The following ALMS1 variants were observed in gnomAD, a reference collection of about 807,000 sequenced individuals.
ALMS1 encodes centrosome-associated protein ALMS1.
In ALMS1, 271 loss-of-function variants were observed where a neutral mutation model predicts 352.2. The observed-to-expected ratio is 0.77, with a 90% CI of 0.70 to 0.85. The LOEUF is 0.85. Ranked by LOEUF, ALMS1 falls within the 40% of genes least tolerant of loss-of-function variation. The pLI is 0.00. For missense variants in ALMS1, 5,445 were observed against 4,870.7 expected (o/e 1.12, Z -3.51); for synonymous variants, 1,865 against 1,761.2 (o/e 1.06, Z -1.48).
chr2:73,431,474 G>A (rs1227319319), intron 6 of ALMS1, among the ~76,000 whole-genome samples: 1 of 152,046 alleles, frequency 6.6e-6, no homozygotes, highest in African/African-American at 2.4e-5. Context: ...TTTATGTGAG[G>A]GTGCACTGTG....
chr2:73,411,009 A>T (rs529127625), intron 2 of ALMS1, among the ~76,000 whole-genome samples: 1 of 152,036 alleles, frequency 6.6e-6, no homozygotes, highest in African/African-American at 2.4e-5. Context: ...GGGCCATTAA[A>T]TGGAAGAGGA....
intron 12 of ALMS1, among the ~76,000 whole-genome samples, chr2:73,536,664 A>C (rs896099901): frequency 6.6e-6 from 1 of 152,190 alleles, no homozygotes; most frequent in Admixed American, 6.5e-5. Flanking sequence ...TTTGGGGCCA[A>C]GAGCAAGACA....
intron 12 of ALMS1, among the ~76,000 whole-genome samples, chr2:73,547,517 A>G (rs548610475): frequency 4.5e-4 from 69 of 152,286 alleles, no homozygotes; most frequent in Non-Finnish European, 8.1e-4. Flanking sequence ...AAGTGACTAC[A>G]TTTTGGTTTG....
At position 73,408,654 on chromosome 2, in the gene ALMS1, G is replaced by A. The variant is rs2103675566; in HGVS notation, c.357G>A (p.Gln119=). The A allele has an allele frequency of 6.2e-7, 1 of 1,613,350 alleles. No homozygotes were observed. Among genetic ancestry groups the A allele is most frequent in the Non-Finnish European group, 8.5e-7 (1 of 1,179,566 alleles). ...CATTGACCTGTCATGTATGGCAACAGATAGTATATCAAGGCAATAGTAGAA... is the reference window on the plus strand; with the variant it reads ...CATTGACCTGTCATGTATGGCAACAAATAGTATATCAAGGCAATAGTAGAA... ...IVPLTCHVWQ[Q]IVYQGNSRTQ... Residue 119 remains glutamine (Q), a synonymous_variant, in exon 2 of 23, where the codon CAG becomes CAA. Transcript: ENST00000613296.
At chr2:73,598,125 G>C (rs1421778677) in intron 16 of ALMS1, among the ~76,000 whole-genome samples, 1 of 152,206 alleles carries the variant, frequency 6.6e-6, no homozygotes, top group Non-Finnish European at 1.5e-5. Flanking sequence ...GGTTCAATCA[G>C]TTATGATTCT....
intron 9 of ALMS1, among the ~76,000 whole-genome samples, chr2:73,466,162 C>G (rs1167961495): frequency 6.6e-6 from 1 of 152,112 alleles, no homozygotes; most frequent in Non-Finnish European, 1.5e-5. Context: ...ATAAATCGTG[C>G]TGCTATAAAG....
At chr2:73,386,859 T>A (rs1670550576) in intron 1 of ALMS1, among the ~76,000 whole-genome samples, 1 of 152,200 alleles carries the variant, frequency 6.6e-6, no homozygotes, top group African/African-American at 2.4e-5. Flanking sequence ...ACTCTCCATT[T>A]AATTTGCTGC....
chr2:73,489,918 A>G lies in ALMS1; in HGVS notation c.7959A>G (p.Pro2653=), dbSNP rs759212361. 7 of 1,614,232 alleles carry G rather than the reference A, an allele frequency of 4.3e-6. No individual in the cohort carries two copies. The highest frequency in any genetic ancestry group is 5.9e-6 in the Non-Finnish European group (7 of 1,180,044). The change falls in exon 10 of 23, where the codon CCA becomes CCG. Residue 2653 remains proline (P), a synonymous_variant. Coordinates refer to ENST00000613296, the MANE Select transcript of ALMS1 (RefSeq NM_001378454.1). The part of the protein sequence containing the change: ...WNSLQLKSHS[P]FQNFIPDEFK... ...CCTTGCAGTTAAAAAGTCATTCCCC[A>G]TTTCAGAACTTTATACCTGATGAAT...
chr2:73,506,405 C>G (rs1218158224), intron 10 of ALMS1, among the ~76,000 whole-genome samples: 1 of 152,144 alleles, frequency 6.6e-6, no homozygotes, highest in African/African-American at 2.4e-5. Flanking sequence ...AATATTGATT[C>G]TTCCTATCCA....
chr2:73,453,389 G>C lies in ALMS1; in HGVS notation c.6862G>C (p.Asp2288His). Residue 2288 changes from aspartate (D) to histidine (H), a missense_variant, in exon 8 of 23, where the codon GAT becomes CAT. Coordinates refer to ENST00000613296, the MANE Select transcript of ALMS1 (RefSeq NM_001378454.1). The stretch of plus-strand genomic sequence containing the variant: ...TCCTGCTCCCCTTGCCCGTTTCAGA[G>C]ATATTAGTGATATTTCATTTATACA... ...NFPAPLARFR[D>H]ISDISFIQSK... The C allele has an allele frequency of 6.2e-7, 1 of 1,613,852 alleles. No individual in the cohort carries two copies. The highest frequency in any genetic ancestry group is 1.1e-5 in the South Asian group (1 of 91,064).
intron 9 of ALMS1, chr2:73,470,090 T>C (rs935444062): frequency 1.3e-5 from 2 of 151,904 alleles, no homozygotes; most frequent in African/African-American, 2.4e-5. Context: ...TTGAGTCTTC[T>C]AGTTTTTTCT....
intron 1 of ALMS1, among the ~76,000 whole-genome samples, chr2:73,396,303 T>TACACACAC (rs757567739): frequency 1.5e-3 from 217 of 144,138 alleles, no homozygotes; most frequent in East Asian, 2.4e-3. Flanking sequence ...GTCATAGAAA[T>TACACACAC]ACACACACAC....
chr2:73,422,720 G>T (rs1671307966), intron 3 of ALMS1, 137 bp from the exon 4 acceptor site: 1 of 738,310 alleles, frequency 1.4e-6, no homozygotes. Flanking sequence ...TGCTACTGCT[G>T]TTGCTTTTAT....
chr2:73,430,758 G>A (rs953240236), intron 6 of ALMS1, among the ~76,000 whole-genome samples: 2 of 152,270 alleles, frequency 1.3e-5, no homozygotes, highest in African/African-American at 4.8e-5. Context: ...GCCTAGGTGT[G>A]TAGTAGGCTA....
chr2:73,443,336 T>G (rs962006824), intron 7 of ALMS1, among the ~76,000 whole-genome samples: 3 of 152,208 alleles, frequency 2.0e-5, no homozygotes, highest in Non-Finnish European at 4.4e-5. Flanking sequence ...TCTTGTCTCC[T>G]TGATCTCATA....
intron 9 of ALMS1, 144 bp from the exon 10 acceptor site, chr2:73,489,490 C>A (rs2056750): frequency 6.4e-6 from 6 of 932,388 alleles, no homozygotes; most frequent in Non-Finnish European, 8.1e-6. Context: ...TTGCTGTGCT[C>A]TTTGTCCTGT....
At chr2:73,504,809 C>T (rs1453704345) in intron 10 of ALMS1, among the ~76,000 whole-genome samples, 2 of 152,008 alleles carry the variant, frequency 1.3e-5, no homozygotes, top group African/African-American at 4.8e-5. Context: ...TATACATGTG[C>T]CATGGTGGTT....
At chr2:73,468,555 C>T (rs1672405899) in intron 9 of ALMS1, among the ~76,000 whole-genome samples, 2 of 152,118 alleles carry the variant, frequency 1.3e-5, no homozygotes, top group African/African-American at 2.4e-5. Context: ...TCTGTCTTCC[C>T]ATCTGCCCCA....
chr2:73,582,918 A>G (rs1675216376), intron 16 of ALMS1, among the ~76,000 whole-genome samples: 1 of 152,140 alleles, frequency 6.6e-6, no homozygotes, highest in Non-Finnish European at 1.5e-5. Flanking sequence ...GATCATATAT[A>G]GTAGTTCTAT....
Sources: gnomAD v4.1 joint callset for allele counts (sites outside exome capture counted in the v4.1 genomes callset) on GRCh38, gnomAD v4.1.1 for gene constraint, MANE v1.5 for transcripts, NCBI Gene and HGNC (gene_info 2026-07-23, HGNC 2026-07-21) for gene names.